Variants in PLPPR4 observed in about 807,000 individuals in gnomAD.
PLPPR4 encodes the protein phospholipid phosphatase related 4, also known as phospholipid phosphatase-related protein type 4.
In PLPPR4, 24 loss-of-function variants were observed where a neutral mutation model predicts 56.6. The observed-to-expected ratio is 0.42, with a 90% CI of 0.31 to 0.60. PLPPR4 has a LOEUF of 0.60. Ranked by LOEUF, PLPPR4 falls within the 20% of genes least tolerant of loss-of-function variation. The pLI is 0.13. For missense variants in PLPPR4, 654 were observed against 885.8 expected (o/e 0.74, Z 3.32); for synonymous variants, 326 against 328.1 (o/e 0.99, Z 0.07).
At chr1:99,287,636 T>A (rs1659498988) in intron 1 of PLPPR4, among the ~76,000 whole-genome samples, 1 of 152,152 alleles carries the variant, frequency 6.6e-6, no homozygotes, top group Non-Finnish European at 1.5e-5. Flanking sequence ...ATTTTTCTGA[T>A]TATCTGTGAT....
intron 1 of PLPPR4, among the ~76,000 whole-genome samples, chr1:99,282,032 G>C (rs1019604833): frequency 6.6e-6 from 1 of 152,070 alleles, no homozygotes; most frequent in East Asian, 1.9e-4. Flanking sequence ...AAATCATCTT[G>C]TACCAATAAT....
intron 1 of PLPPR4, among the ~76,000 whole-genome samples, chr1:99,280,791 A>T (rs72736376): frequency 0.061 from 9,253 of 152,280 alleles, 389 homozygotes; most frequent in Non-Finnish European, 0.092. Context: ...TCTTTTTGAA[A>T]TATAAATATA....
chr1:99,266,087 G>C (rs553293366), intron 1 of PLPPR4, among the ~76,000 whole-genome samples: 1 of 152,196 alleles, frequency 6.6e-6, no homozygotes, highest in Admixed American at 6.5e-5. Flanking sequence ...ATAATAAAGA[G>C]CTTTCTCAAG....
At chr1:99,299,749 T>A (rs1377408269) in intron 4 of PLPPR4, among the ~76,000 whole-genome samples, 1 of 151,958 alleles carries the variant, frequency 6.6e-6, no homozygotes, top group Non-Finnish European at 1.5e-5. Context: ...GTGACATAAT[T>A]TCATTCATTC....
At chr1:99,304,584 A>G (rs979528549) in intron 6 of PLPPR4, among the ~76,000 whole-genome samples, 1 of 152,192 alleles carries the variant, frequency 6.6e-6, no homozygotes. Context: ...AGATATTTAG[A>G]AGATGGTTTC....
intron 5 of PLPPR4, among the ~76,000 whole-genome samples, chr1:99,301,342 A>T (rs1399655940): frequency 6.6e-6 from 1 of 151,910 alleles, no homozygotes; most frequent in Non-Finnish European, 1.5e-5. Flanking sequence ...GTATTTCTGT[A>T]ACAATAAGTT....
At chr1:99,268,253 C>A (rs1658958059) in intron 1 of PLPPR4, among the ~76,000 whole-genome samples, 1 of 152,238 alleles carries the variant, frequency 6.6e-6, no homozygotes, top group Non-Finnish European at 1.5e-5. Flanking sequence ...AGCTCAGTTC[C>A]TCCTCCACTG....
chr1:99,288,105 A>C lies in PLPPR4; in HGVS notation c.219A>C (p.Pro73=), dbSNP rs759142829. Residue 73 remains proline, a synonymous_variant, in exon 2 of 7, where the codon CCA becomes CCC. Transcript: ENST00000370185. ...TTGAACCAACCCAGGAGGCAATTCC[A>C]TTCCTCATGTTGCTTAGCTTGGCTT... ...PYIEPTQEAI[P]FLMLLSLAFA... The C allele has an allele frequency of 7.4e-6, 12 of 1,613,790 alleles. No homozygotes were observed. The highest frequency in any genetic ancestry group is 1.0e-5 in the Non-Finnish European group (12 of 1,179,832).
In PLPPR4 at chr1:99,269,079, C is replaced by T. The variant is rs1439854370; in HGVS notation, c.78+4408C>T. Among the ~76,000 whole-genome samples, 6 of 152,232 alleles carry T rather than the reference C, an allele frequency of 3.9e-5. No homozygotes were observed. In the South Asian group the frequency reaches 8.3e-4, roughly 21 times the overall value. On this transcript the variant is annotated intron_variant, in intron 1 of 6. Coordinates refer to ENST00000370185, the MANE Select transcript of PLPPR4 (RefSeq NM_014839.5). ...CTCCTAATACTATCCATCCCCTAGC[C>T]CCCCAACCCCCACAGGCCCTGGTGT...
intron 1 of PLPPR4, among the ~76,000 whole-genome samples, chr1:99,275,945 A>C (rs1478741147): frequency 6.6e-6 from 1 of 152,152 alleles, no homozygotes; most frequent in East Asian, 1.9e-4. Context: ...GATGACCCTA[A>C]GAATCACAAG....
intron 4 of PLPPR4, among the ~76,000 whole-genome samples, chr1:99,300,227 A>G (rs1221437003): frequency 6.6e-6 from 1 of 151,896 alleles, no homozygotes; most frequent in Non-Finnish European, 1.5e-5. Context: ...TATTTTTTCT[A>G]ATTTTTTAAT....
intron 1 of PLPPR4, among the ~76,000 whole-genome samples, chr1:99,276,285 A>G (rs964348293): frequency 9.9e-5 from 15 of 152,158 alleles, no homozygotes; most frequent in Admixed American, 8.5e-4. Flanking sequence ...AATCTCTGAA[A>G]TTAGATGAGA....
intron 1 of PLPPR4, among the ~76,000 whole-genome samples, chr1:99,272,727 G>A (rs932879872): frequency 1.3e-5 from 2 of 152,078 alleles, no homozygotes; most frequent in Non-Finnish European, 2.9e-5. Flanking sequence ...AGAGTACAGG[G>A]AAGTATAAAC....
chr1:99,271,008 T>A (rs1294136315), intron 1 of PLPPR4, among the ~76,000 whole-genome samples: 4 of 152,234 alleles, frequency 2.6e-5, no homozygotes, highest in African/African-American at 9.6e-5. Context: ...ATTAGGGAAT[T>A]ATTTTCTATT....
chr1:99,272,450 T>C (rs549003101), intron 1 of PLPPR4, among the ~76,000 whole-genome samples: 47 of 152,284 alleles, frequency 3.1e-4, no homozygotes, highest in South Asian at 2.5e-3. Context: ...CTCTGGATTA[T>C]AACATTTAAA....
chr1:99,269,838 G>A (rs1659004278), intron 1 of PLPPR4, among the ~76,000 whole-genome samples: 1 of 152,128 alleles, frequency 6.6e-6, no homozygotes, highest in African/African-American at 2.4e-5. Context: ...AGACACATAT[G>A]TATGCACACA....
At chr1:99,270,273 G>A (rs753613158) in intron 1 of PLPPR4, among the ~76,000 whole-genome samples, 6 of 151,984 alleles carry the variant, frequency 3.9e-5, no homozygotes, top group South Asian at 2.1e-4. Flanking sequence ...CAATCCTCCC[G>A]CCTCAGCCTC....
chr1:99,305,387 T>A (rs1334662470), intron 6 of PLPPR4, among the ~76,000 whole-genome samples: 14 of 152,180 alleles, frequency 9.2e-5, no homozygotes, highest in Admixed American at 9.2e-4. Flanking sequence ...AAAAAGTCCT[T>A]ATTTCTCTCT....
chr1:99,275,520 G>C (rs1049292074), intron 1 of PLPPR4, among the ~76,000 whole-genome samples: 1 of 152,148 alleles, frequency 6.6e-6, no homozygotes, highest in African/African-American at 2.4e-5. Context: ...ATCTGTGATG[G>C]ATTCGTCGTT....
Sources: allele counts gnomAD v4.1 joint callset (sites outside exome capture counted in the v4.1 genomes callset), GRCh38; gene constraint gnomAD v4.1.1; transcripts MANE v1.5; gene names NCBI Gene and HGNC (gene_info 2026-07-23, HGNC 2026-07-21).